TLL1: variants seen among roughly 807,000 people sequenced by gnomAD.
TLL1 encodes the protein tolloid-like protein 1.
TLL1 carries 49 observed loss-of-function variants against 128.2 expected under a neutral mutation model. The ratio of observed to expected loss-of-function variants is 0.38; its 90% CI spans 0.30 to 0.48. The LOEUF (loss-of-function observed/expected upper bound fraction) is 0.48, where lower values mean the gene tolerates loss of function less well. Among genes scored for constraint, TLL1 ranks in the 20% least tolerant of loss-of-function variants. TLL1 has a pLI of 0.96. For missense variants in TLL1, 1,123 were observed against 1,242.0 expected, an observed-to-expected ratio of 0.90 and a Z score of 1.44; for synonymous variants, 454 against 418.8, an observed-to-expected ratio of 1.08 and a Z score of -1.03.
At chr4:166,037,241 A>T (rs1739046981) in intron 9 of TLL1, among the ~76,000 whole-genome samples, 1 of 152,236 alleles carries the variant, frequency 6.6e-6, no homozygotes, top group Non-Finnish European at 1.5e-5. Flanking sequence ...TTTCCTAGTT[A>T]TATCCTGAAT....
At chr4:165,894,221 A>G (rs1433528203) in intron 1 of TLL1, among the ~76,000 whole-genome samples, 2 of 152,160 alleles carry the variant, frequency 1.3e-5, no homozygotes, top group Non-Finnish European at 2.9e-5. Flanking sequence ...ACAAATCCCC[A>G]AGTACAAGGA....
intron 5 of TLL1, among the ~76,000 whole-genome samples, chr4:165,997,323 C>A (rs149998323): frequency 6.6e-6 from 1 of 152,068 alleles, no homozygotes; most frequent in African/African-American, 2.4e-5. Context: ...TCTTTCATCT[C>A]ATAAAAAAAG....
At chr4:166,036,715 T>C (rs1431273451) in intron 9 of TLL1, among the ~76,000 whole-genome samples, 1 of 151,986 alleles carries the variant, frequency 6.6e-6, no homozygotes, top group Non-Finnish European at 1.5e-5. Context: ...TGTTCCTCCA[T>C]GGTGCTTGGT....
chr4:165,910,292 G>C (rs1310973168), intron 1 of TLL1, among the ~76,000 whole-genome samples: 2 of 152,160 alleles, frequency 1.3e-5, no homozygotes, highest in Non-Finnish European at 1.5e-5. Flanking sequence ...TGAGCTTAGA[G>C]GGGGCAACAA....
intron 14 of TLL1, among the ~76,000 whole-genome samples, chr4:166,058,246 A>G (rs920031581): frequency 4.6e-5 from 7 of 152,006 alleles, no homozygotes; most frequent in African/African-American, 1.7e-4. Flanking sequence ...ACCCATCTAT[A>G]TATCTATTCA....
intron 16 of TLL1, among the ~76,000 whole-genome samples, chr4:166,070,425 G>A (rs1215157137): frequency 6.6e-6 from 1 of 151,794 alleles, no homozygotes; most frequent in African/African-American, 2.4e-5. Context: ...ATGACTTCAG[G>A]CAATGAGAGT....
intron 1 of TLL1, among the ~76,000 whole-genome samples, chr4:165,916,889 T>A (rs565748655): frequency 1.1e-4 from 17 of 152,234 alleles, no homozygotes; most frequent in Admixed American, 3.9e-4. Flanking sequence ...ATAGTATTAT[T>A]AATGATGAAA....
rs138156376 is a variant in TLL1 at position 166,004,148 on chromosome 4, C to G, written c.811+579C>G. Among the ~76,000 whole-genome samples, 978 of 152,022 alleles carry G rather than the reference C, an allele frequency of 6.4e-3. 16 individuals carry two copies. Among genetic ancestry groups the G allele is most frequent in the African/African-American group, 0.022 (900 of 41,486 alleles). ...TTGAAATATAATTTCTACTTAAAAC[C>G]TATTTTTCTCTGATAGTTGATATTT... On this transcript the variant is annotated intron_variant, in intron 6 of 20. Coordinates refer to ENST00000061240, the MANE Select transcript of TLL1 (RefSeq NM_012464.5).
At chr4:165,964,175 T>A (rs1185972149) in intron 1 of TLL1, among the ~76,000 whole-genome samples, 5 of 152,170 alleles carry the variant, frequency 3.3e-5, no homozygotes, top group Non-Finnish European at 2.9e-5. Flanking sequence ...AATCAGACTG[T>A]CTGGGTTTGA....
At chr4:166,073,084 C>T (rs1305931485) in intron 16 of TLL1, among the ~76,000 whole-genome samples, 3 of 152,100 alleles carry the variant, frequency 2.0e-5, no homozygotes, top group Non-Finnish European at 4.4e-5. Flanking sequence ...AATAATTCTG[C>T]CACCAGCATT....
rs1280342713 is a variant in TLL1, at chr4:166,055,284, A to C, written c.1720+13A>C. The C allele has an allele frequency of 1.9e-6, 3 of 1,609,548 alleles. No homozygotes were observed. Among genetic ancestry groups the C allele is most frequent in the Non-Finnish European group, 2.5e-6 (3 of 1,176,492 alleles). ...AACTTTTTTAAAGGTAATTTGAAATAATTTTCAAACGTGAGATTTTCTTTA... is the reference window on the plus strand; with the variant it reads ...AACTTTTTTAAAGGTAATTTGAAATCATTTTCAAACGTGAGATTTTCTTTA... On this transcript the variant is annotated intron_variant, in intron 13 of 20. Coordinates refer to ENST00000061240, the MANE Select transcript of TLL1 (RefSeq NM_012464.5).
At chr4:165,932,058 C>T (rs1733553274) in intron 1 of TLL1, among the ~76,000 whole-genome samples, 1 of 152,046 alleles carries the variant, frequency 6.6e-6, no homozygotes, top group South Asian at 2.1e-4. Context: ...TATGTCACAC[C>T]ACTTCTTCGC....
chr4:165,926,066 A>C (rs1295794501), intron 1 of TLL1, among the ~76,000 whole-genome samples: 3 of 152,208 alleles, frequency 2.0e-5, no homozygotes, highest in African/African-American at 7.2e-5. Context: ...TTATTGTGAC[A>C]TTCACTTTAT....
chr4:166,037,424 G>A (rs968671659), intron 9 of TLL1, among the ~76,000 whole-genome samples: 1 of 152,070 alleles, frequency 6.6e-6, no homozygotes, highest in African/African-American at 2.4e-5. Context: ...CACTTAAAAA[G>A]TGGAACCTTA....
At chr4:165,919,656 A>T (rs558328962) in intron 1 of TLL1, among the ~76,000 whole-genome samples, 2 of 152,272 alleles carry the variant, frequency 1.3e-5, no homozygotes, top group South Asian at 4.1e-4. Context: ...CTCACTTATG[A>T]TACATTCTTT....
intron 1 of TLL1, among the ~76,000 whole-genome samples, chr4:165,898,416 T>G (rs980944189): frequency 1.2e-4 from 18 of 152,216 alleles, no homozygotes; most frequent in African/African-American, 4.1e-4. Flanking sequence ...CAATACCTAG[T>G]TTATTGAGAG....
chr4:165,897,011 G>A (rs1343411172), intron 1 of TLL1, among the ~76,000 whole-genome samples: 1 of 152,044 alleles, frequency 6.6e-6, no homozygotes, highest in Non-Finnish European at 1.5e-5. Context: ...GTGATGATGA[G>A]CTTTTTTTCA....
intron 1 of TLL1, among the ~76,000 whole-genome samples, chr4:165,880,853 A>C (rs1277780176): frequency 6.6e-6 from 1 of 152,236 alleles, no homozygotes; most frequent in Non-Finnish European, 1.5e-5. Flanking sequence ...TGTGTACCAC[A>C]GAGCCACCTC....
At chr4:166,026,126 G>A (rs576685659) in intron 9 of TLL1, among the ~76,000 whole-genome samples, 4 of 152,248 alleles carry the variant, frequency 2.6e-5, no homozygotes, top group African/African-American at 9.6e-5. Context: ...GGTGGCTCAC[G>A]CCTGTAATCC....
Sources: gnomAD v4.1 joint callset for allele counts (sites outside exome capture counted in the v4.1 genomes callset) on GRCh38, gnomAD v4.1.1 for gene constraint, MANE v1.5 for transcripts, NCBI Gene and HGNC (gene_info 2026-07-23, HGNC 2026-07-21) for gene names.